SORCS3: variants seen among roughly 807,000 people sequenced by gnomAD.
The protein encoded by SORCS3 is sortilin related VPS10 domain containing receptor 3.
Under a neutral mutation model 146.3 loss-of-function variants are expected in SORCS3, and 57 were observed. The ratio of observed to expected loss-of-function variants is 0.39; its 90% confidence interval spans 0.31 to 0.49. The LOEUF is 0.49. SORCS3 is among the 20% of genes least tolerant of loss of function. The probability of loss-of-function intolerance (pLI) is 0.92; values close to 1 mark genes in which losing one functional copy is unlikely to be tolerated. For missense variants in SORCS3, 1,341 were observed against 1,575.5 expected (o/e 0.85, Z 2.52); for synonymous variants, 653 against 618.5 (o/e 1.06, Z -0.83).
At position 104,874,116 on chromosome 10, in the gene SORCS3, A is replaced by C. The variant is rs148476069; in HGVS notation, c.695+31257A>C. On this transcript the variant is annotated intron_variant, in intron 2 of 26. Transcript: ENST00000369701. The stretch of plus-strand genomic sequence containing the variant: ...ATGGCCAAGCAAAGAAATCACATTA[A>C]TAAGGGTGAAAATGCAGTGTGCTTA... Among the ~76,000 whole-genome samples the C allele has an allele frequency of 5.5e-3, 844 of 152,334 alleles. 14 individuals are homozygous for C. The highest frequency in any genetic ancestry group is 0.019 in the African/African-American group (783 of 41,576).
At chr10:104,751,401 G>A (rs569788969) in intron 1 of SORCS3, among the ~76,000 whole-genome samples, 1 of 152,182 alleles carries the variant, frequency 6.6e-6, no homozygotes, top group Non-Finnish European at 1.5e-5. Context: ...GAGCAGATGA[G>A]TGACAGGATT....
chr10:105,002,200 C>T (rs987389706), intron 4 of SORCS3, among the ~76,000 whole-genome samples: 2 of 152,090 alleles, frequency 1.3e-5, no homozygotes, highest in African/African-American at 2.4e-5. Flanking sequence ...AAAAGAGTGT[C>T]GCAGGCTGGA....
intron 20 of SORCS3, among the ~76,000 whole-genome samples, chr10:105,227,656 A>G (rs975223115): frequency 6.6e-6 from 1 of 152,114 alleles, no homozygotes; most frequent in Admixed American, 6.6e-5. Flanking sequence ...GTTCCCAACT[A>G]TAATTGTGTT....
chr10:104,968,487 C>T (rs956808630), intron 3 of SORCS3, among the ~76,000 whole-genome samples: 6 of 152,138 alleles, frequency 3.9e-5, no homozygotes, highest in African/African-American at 1.4e-4. Flanking sequence ...GCATTGAGAG[C>T]CTATAACCTT....
chr10:105,037,093 A>G (rs1442912914), intron 4 of SORCS3, among the ~76,000 whole-genome samples: 3 of 152,148 alleles, frequency 2.0e-5, no homozygotes, highest in East Asian at 1.9e-4. Flanking sequence ...CTACCCTCAT[A>G]TGATCATTAT....
intron 4 of SORCS3, among the ~76,000 whole-genome samples, chr10:104,997,263 T>G (rs1053771780): frequency 6.6e-6 from 1 of 152,314 alleles, no homozygotes; most frequent in African/African-American, 2.4e-5. Context: ...ACTGTCTATA[T>G]TAAAGTAACA....
chr10:105,201,441 A>G (rs1388041968), intron 16 of SORCS3, among the ~76,000 whole-genome samples, 188 bp downstream of exon 16: 1 of 152,190 alleles, frequency 6.6e-6, no homozygotes, highest in Non-Finnish European at 1.5e-5. Flanking sequence ...GAAGGAGGAC[A>G]GGCTGAGGCA....
At chr10:104,724,210 G>T (rs966185663) in intron 1 of SORCS3, among the ~76,000 whole-genome samples, 9 of 152,058 alleles carry the variant, frequency 5.9e-5, no homozygotes, top group South Asian at 2.1e-4. Context: ...GTCTGTAAAG[G>T]ATTTTATTTC....
At chr10:105,073,844 C>T (rs887793051) in intron 5 of SORCS3, among the ~76,000 whole-genome samples, 1 of 152,190 alleles carries the variant, frequency 6.6e-6, no homozygotes, top group East Asian at 1.9e-4. Flanking sequence ...GAACCACAGA[C>T]GTTTATTTTC....
intron 1 of SORCS3, among the ~76,000 whole-genome samples, chr10:104,660,269 C>A (rs1442948790): frequency 6.8e-6 from 1 of 146,038 alleles, no homozygotes; most frequent in East Asian, 2.0e-4. Flanking sequence ...AAGTGGGTTT[C>A]AGTTTTTTAA....
At chr10:105,009,273 T>A (rs182198422) in intron 4 of SORCS3, among the ~76,000 whole-genome samples, 218 of 152,232 alleles carry the variant, frequency 1.4e-3, no homozygotes, top group African/African-American at 4.8e-3. Flanking sequence ...TCTGGAAAAG[T>A]GCAGAGCTTA....
intron 4 of SORCS3, among the ~76,000 whole-genome samples, chr10:104,981,522 G>C (rs1366749275): frequency 1.3e-5 from 2 of 152,176 alleles, no homozygotes; most frequent in Admixed American, 6.5e-5. Context: ...ACTGATGACT[G>C]AAACAGCTTA....
At chr10:105,168,447 C>A (rs191205023) in intron 13 of SORCS3, among the ~76,000 whole-genome samples, 1 of 152,104 alleles carries the variant, frequency 6.6e-6, no homozygotes, top group Non-Finnish European at 1.5e-5. Context: ...AAGAATTTCA[C>A]GCTTCAGATT....
At chr10:105,236,352 G>A (rs1346946813) in intron 20 of SORCS3, among the ~76,000 whole-genome samples, 2 of 152,044 alleles carry the variant, frequency 1.3e-5, no homozygotes, top group African/African-American at 4.8e-5. Context: ...TTTATCTCCT[G>A]GAGGTTACAT....
In SORCS3 at chr10:104,696,988, G is replaced by A. The variant is rs555275082; in HGVS notation, c.627+55034G>A. Among the ~76,000 whole-genome samples the A allele has an allele frequency of 4.0e-5, 6 of 150,984 alleles. No individual in the cohort carries two copies. The East Asian group carries it at 9.7e-4, about 24-fold the overall frequency. On this transcript the variant is annotated intron_variant, in intron 1 of 26. Transcript: ENST00000369701. The stretch of plus-strand genomic sequence containing the variant: ...TGGCGGGTGGAGGATATGGCGATAC[G>A]TTGTACAATGGATACAAAATTTCAG...
At chr10:104,944,540 G>A (rs2019350366) in intron 3 of SORCS3, among the ~76,000 whole-genome samples, 1 of 152,122 alleles carries the variant, frequency 6.6e-6, no homozygotes, top group African/African-American at 2.4e-5. Flanking sequence ...TTAAAAAAAT[G>A]GGCAGAAGAC....
chr10:105,193,191 T>G (rs1411726093), intron 14 of SORCS3, among the ~76,000 whole-genome samples: 1 of 152,116 alleles, frequency 6.6e-6, no homozygotes, highest in Admixed American at 6.6e-5. Flanking sequence ...GCAAATCATA[T>G]TTGTTTGTGG....
intron 2 of SORCS3, among the ~76,000 whole-genome samples, chr10:104,908,799 T>C (rs1482367274): frequency 6.6e-6 from 1 of 152,150 alleles, no homozygotes; most frequent in Non-Finnish European, 1.5e-5. Flanking sequence ...ATAGGAAAGA[T>C]CTTTGTAGTA....
chr10:105,004,475 T>C (rs1247400757), intron 4 of SORCS3, among the ~76,000 whole-genome samples: 1 of 152,036 alleles, frequency 6.6e-6, no homozygotes, highest in Non-Finnish European at 1.5e-5. Context: ...GGGTAGGGGG[T>C]ACCGAACAGC....
Sources: allele counts gnomAD v4.1 joint callset (sites outside exome capture counted in the v4.1 genomes callset), GRCh38; gene constraint gnomAD v4.1.1; transcripts MANE v1.5; gene names NCBI Gene and HGNC (gene_info 2026-07-23, HGNC 2026-07-21).